Variants in UBE2Q2 observed in about 807,000 individuals in gnomAD.
The protein encoded by UBE2Q2 is ubiquitin-conjugating enzyme E2 Q2.
Under a neutral mutation model 59.9 loss-of-function variants are expected in UBE2Q2, and 54 were observed. That is an observed-to-expected ratio of 0.90 (90% confidence interval 0.72 to 1.13). UBE2Q2 has a LOEUF of 1.13. Ranked by LOEUF, UBE2Q2 falls within the 50% of genes most tolerant of loss-of-function variation. The probability of loss-of-function intolerance (pLI) is 0.00; values close to 1 mark genes in which losing one functional copy is unlikely to be tolerated. For missense variants in UBE2Q2, 433 were observed against 441.9 expected (o/e 0.98, Z 0.18); for synonymous variants, 165 against 155.2 (o/e 1.06, Z -0.47).
At chr15:75,860,814 A>G (rs1236775142) in intron 3 of UBE2Q2, among the ~76,000 whole-genome samples, 1 of 152,132 alleles carries the variant, frequency 6.6e-6, no homozygotes, top group South Asian at 2.1e-4. Flanking sequence ...CTGCTCTCCT[A>G]CAGTAGATCC....
chr15:75,883,839 T>TATACACAC (rs924347206), intron 9 of UBE2Q2, among the ~76,000 whole-genome samples: 2,979 of 151,960 alleles, frequency 0.02, 91 homozygotes, highest in African/African-American at 0.067. Context: ...TATTTATACA[T>TATACACAC]ACACACACAC....
chr15:75,890,856 A>G (rs1444304303), intron 10 of UBE2Q2, 63 bp from the exon 11 acceptor site: 12 of 1,406,398 alleles, frequency 8.5e-6, no homozygotes, highest in Non-Finnish European at 1.1e-5. Context: ...CCATTTTGTT[A>G]GGCCTTCCCA....
chr15:75,890,312 C>T lies in UBE2Q2; in HGVS notation c.885-123C>T, dbSNP rs191915439. The T allele has an allele frequency of 4.4e-6, 3 of 686,436 alleles. No individual in the cohort carries two copies. In the Admixed American group the frequency reaches 9.3e-5, roughly 21 times the overall value. 42.5% of individuals were successfully genotyped at this position (686,436 alleles called of 1,614,324 possible). ...GTCCTGTATCCCTAACAACTGTTGTCATGTTTGCATGTTATTTTCTCATCC... is the reference window on the plus strand; with the variant it reads ...GTCCTGTATCCCTAACAACTGTTGTTATGTTTGCATGTTATTTTCTCATCC... On this transcript the variant is annotated intron_variant, in intron 9 of 12. Transcript: ENST00000267938.
At chr15:75,896,187 A>G (rs557441523) in intron 11 of UBE2Q2, among the ~76,000 whole-genome samples, 20 of 152,296 alleles carry the variant, frequency 1.3e-4, no homozygotes, top group African/African-American at 4.8e-4. Context: ...AGGGACATAC[A>G]AGAAATTAGT....
chr15:75,890,302 C>A (rs1899023421), intron 9 of UBE2Q2, 133 bp from the exon 10 acceptor site: 1 of 649,050 alleles, frequency 1.5e-6, no homozygotes, highest in Non-Finnish European at 2.7e-6. Context: ...GTATCCCTAA[C>A]AACTGTTGTC....
At chr15:75,893,399 C>A (rs1899214339) in intron 11 of UBE2Q2, among the ~76,000 whole-genome samples, 1 of 152,112 alleles carries the variant, frequency 6.6e-6, no homozygotes, top group South Asian at 2.1e-4. Context: ...GAGGATATAG[C>A]AATTTTTGTA....
intron 11 of UBE2Q2, among the ~76,000 whole-genome samples, chr15:75,895,673 T>C (rs2141679570): frequency 6.6e-6 from 1 of 151,960 alleles, no homozygotes; most frequent in Middle Eastern, 3.4e-3. Flanking sequence ...TCAATAGAAA[T>C]ACAAATCAAA....
chr15:75,862,664 A>G (rs938211831), intron 3 of UBE2Q2, among the ~76,000 whole-genome samples: 4 of 151,594 alleles, frequency 2.6e-5, no homozygotes, highest in African/African-American at 9.7e-5. Flanking sequence ...AAAAATAAAA[A>G]ATTAGGTGGG....
intron 2 of UBE2Q2, among the ~76,000 whole-genome samples, chr15:75,856,292 T>TATAA (rs1285992018): frequency 2.6e-4 from 37 of 142,246 alleles, no homozygotes; most frequent in Non-Finnish European, 4.0e-4. Flanking sequence ...TATATATATA[T>TATAA]AATGAATTTC....
intron 5 of UBE2Q2, among the ~76,000 whole-genome samples, chr15:75,875,897 C>CA (rs773183098): frequency 0.021 from 2,958 of 143,820 alleles, 34 homozygotes; most frequent in African/African-American, 0.026. Flanking sequence ...CCGTCTCTAC[C>CA]AAAAAAAAAA....
chr15:75,877,765 T>G (rs1898167791), intron 6 of UBE2Q2, among the ~76,000 whole-genome samples, 196 bp from the exon 7 acceptor site: 1 of 152,236 alleles, frequency 6.6e-6, no homozygotes, highest in South Asian at 2.1e-4. Context: ...ATCTTCTCAG[T>G]TGATGGCTGT....
intron 1 of UBE2Q2, among the ~76,000 whole-genome samples, chr15:75,853,338 G>A (rs773912815): frequency 7.2e-5 from 11 of 152,216 alleles, no homozygotes; most frequent in East Asian, 1.9e-4. Flanking sequence ...TGGCGTGGTG[G>A]CATGTGCTTG....
chr15:75,879,037 T>C, intron 7 of UBE2Q2, 61 bp from the exon 8 acceptor site: 4 of 1,288,014 alleles, frequency 3.1e-6, no homozygotes, highest in Admixed American at 2.4e-5. Context: ...TTTTTGAGTT[T>C]AGTTAAAAAA....
rs1215952933 is a variant in UBE2Q2 at position 75,854,437 on chromosome 15, A to G, written c.232A>G (p.Asn78Asp). ...ATGGTTTGTGGATTCTGAAGACCCA[A>G]ATCTGACATCAGTTCTGGAACGTCT... Reference protein sequence around the residue: ...PIWFVDSEDPNLTSVLERLED... With the variant: ...PIWFVDSEDPDLTSVLERLED... The change falls in exon 2 of 13, where the codon AAT (asparagine) becomes GAT (aspartate). Residue 78 changes from asparagine (N) to aspartate (D), a missense_variant. Coordinates refer to ENST00000267938, the MANE Select transcript of UBE2Q2 (RefSeq NM_173469.4). 6.2e-7 allele frequency: 1 copy of G among 1,613,458 alleles called. No homozygotes were observed. Among genetic ancestry groups the G allele is most frequent in the Non-Finnish European group, 8.5e-7 (1 of 1,179,682 alleles).
At chr15:75,876,117 T>C in intron 5 of UBE2Q2, 70 bp from the exon 6 acceptor site, 1 of 1,468,726 alleles carries the variant, frequency 6.8e-7, no homozygotes, top group African/African-American at 1.4e-5. Context: ...CTGTAATCTT[T>C]TAGATCAGGT....
chr15:75,861,536 T>G (rs1019138622), intron 3 of UBE2Q2, among the ~76,000 whole-genome samples: 1 of 152,218 alleles, frequency 6.6e-6, no homozygotes, highest in Non-Finnish European at 1.5e-5. Context: ...CTTCTCATAA[T>G]TTTGTTAACT....
At chr15:75,865,635 G>T (rs1006445922) in intron 3 of UBE2Q2, among the ~76,000 whole-genome samples, 1 of 151,974 alleles carries the variant, frequency 6.6e-6, no homozygotes, top group Non-Finnish European at 1.5e-5. Flanking sequence ...GTTATTTTTA[G>T]TGCATCAATA....
chr15:75,880,951 T>C (rs8038729), intron 8 of UBE2Q2, among the ~76,000 whole-genome samples: 6,190 of 152,352 alleles, frequency 0.041, 233 homozygotes, highest in African/African-American at 0.097. Context: ...ATATATCTTA[T>C]GATTGAACTT....
chr15:75,852,078 T>C (rs1896662540), intron 1 of UBE2Q2, among the ~76,000 whole-genome samples: 1 of 152,154 alleles, frequency 6.6e-6, no homozygotes, highest in Admixed American at 6.5e-5. Context: ...GGTTTCACCC[T>C]GTTGGCCAGG....
Sources: gnomAD v4.1 joint callset for allele counts (sites outside exome capture counted in the v4.1 genomes callset) on GRCh38, gnomAD v4.1.1 for gene constraint, MANE v1.5 for transcripts, NCBI Gene and HGNC (gene_info 2026-07-23, HGNC 2026-07-21) for gene names.